CMSS1: variants seen among roughly 807,000 people sequenced by gnomAD.
CMSS1 encodes protein CMSS1.
Under a neutral mutation model 43.5 loss-of-function variants are expected in CMSS1, and 33 were observed. The ratio of observed to expected loss-of-function variants is 0.76; its 90% CI spans 0.57 to 1.01. CMSS1 has a LOEUF of 1.01. CMSS1 is among the 50% of genes least tolerant of loss of function. The pLI, the probability that CMSS1 is intolerant of heterozygous loss-of-function variation, is 0.00. For synonymous variants in CMSS1, 115 were observed against 117.2 expected, an observed-to-expected ratio of 0.98 and a Z score of 0.12; for missense variants, 313 against 326.4, an observed-to-expected ratio of 0.96 and a Z score of 0.32.
At chr3:99,909,504 G>C (rs926309293) in intron 1 of CMSS1, among the ~76,000 whole-genome samples, 2 of 152,108 alleles carry the variant, frequency 1.3e-5, no homozygotes, top group South Asian at 2.1e-4. Flanking sequence ...ATAATGAAAA[G>C]TCAAATTTTC....
intron 1 of CMSS1, among the ~76,000 whole-genome samples, chr3:99,875,127 T>C (rs913942219): frequency 1.4e-4 from 22 of 152,224 alleles, no homozygotes. Flanking sequence ...TCATCTCCTA[T>C]TCCAGTGTTC....
At chr3:99,983,389 AAT>A (rs397990626) in intron 1 of CMSS1, among the ~76,000 whole-genome samples, 10,118 of 39,368 alleles carry the variant, frequency 0.26, 807 homozygotes, top group South Asian at 0.4. Context: ...TAAATAAATA[AAT>A]ATATATATAT....
chr3:100,114,992 C>T, intron 1 of CMSS1: 2 of 1,521,070 alleles, frequency 1.3e-6, no homozygotes, highest in Non-Finnish European at 1.8e-6. Flanking sequence ...CATCGGAATG[C>T]ATGGTGGTAT....
intron 1 of CMSS1, among the ~76,000 whole-genome samples, chr3:100,031,126 T>C (rs1332199683): frequency 6.6e-6 from 1 of 152,184 alleles, no homozygotes; most frequent in Non-Finnish European, 1.5e-5. Flanking sequence ...GAACATATTT[T>C]CCTAGACATC....
At chr3:100,115,529 A>C (rs530678867) in intron 1 of CMSS1, among the ~76,000 whole-genome samples, 1 of 147,784 alleles carries the variant, frequency 6.8e-6, no homozygotes, top group African/African-American at 2.5e-5. Flanking sequence ...ACATTTTACC[A>C]CTGGTTGTAT....
chr3:100,017,151 A>G (rs911604880), intron 1 of CMSS1, among the ~76,000 whole-genome samples: 4 of 152,248 alleles, frequency 2.6e-5, no homozygotes, highest in African/African-American at 9.6e-5. Context: ...ATCAAAAATC[A>G]GAATTTATAA....
At position 99,850,285 on chromosome 3, in the gene CMSS1, C is replaced by T. The variant is rs117524727; in HGVS notation, c.64+32242C>T. ...TAGCTCTTTGATCCTTACTTTTAAA[C>T]TCTCCAGTTCTTGAGACAACTGCTT... On this transcript the variant is annotated intron_variant, in intron 1 of 9. Coordinates refer to ENST00000421999, the MANE Select transcript of CMSS1 (RefSeq NM_032359.4). 43 of 1,613,860 alleles carry T rather than the reference C, an allele frequency of 2.7e-5. No individual in the cohort carries two copies. In the East Asian group the frequency reaches 8.9e-4, roughly 33 times the overall value.
intron 3 of CMSS1, among the ~76,000 whole-genome samples, chr3:100,161,180 A>C (rs1335656862): frequency 1.3e-5 from 2 of 152,176 alleles, no homozygotes; most frequent in African/African-American, 4.8e-5. Flanking sequence ...AGGAAATACG[A>C]TTGGGATTAG....
At chr3:100,145,443 G>A (rs932467387) in intron 1 of CMSS1, among the ~76,000 whole-genome samples, 3 of 149,058 alleles carry the variant, frequency 2.0e-5, no homozygotes, top group Non-Finnish European at 4.4e-5. Context: ...GAGAGATTCC[G>A]TCTCAAAAAA....
chr3:99,999,034 C>T (rs1271373780), intron 1 of CMSS1, among the ~76,000 whole-genome samples: 4 of 152,210 alleles, frequency 2.6e-5, no homozygotes, highest in Admixed American at 1.3e-4. Flanking sequence ...TCTGTGAAGC[C>T]TTCCGTGCCT....
intron 1 of CMSS1, chr3:99,849,791 A>G: frequency 6.2e-7 from 1 of 1,613,294 alleles, no homozygotes; most frequent in Admixed American, 1.7e-5. Context: ...ACTTCTTGAG[A>G]GAGCTCCTTA....
chr3:99,836,347 G>T (rs1184126521), intron 1 of CMSS1, among the ~76,000 whole-genome samples: 1 of 152,132 alleles, frequency 6.6e-6, no homozygotes, highest in Non-Finnish European at 1.5e-5. Context: ...CATCAATAGA[G>T]GCGAGACAAA....
intron 1 of CMSS1, among the ~76,000 whole-genome samples, chr3:99,972,438 G>A (rs553313439): frequency 6.0e-4 from 92 of 152,244 alleles, no homozygotes; most frequent in African/African-American, 2.0e-3. Context: ...AAACGTCCCC[G>A]TCCCCATTTG....
intron 1 of CMSS1, among the ~76,000 whole-genome samples, chr3:99,985,136 T>C (rs777273920): frequency 1.1e-4 from 17 of 152,148 alleles, no homozygotes; most frequent in Non-Finnish European, 2.5e-4. Flanking sequence ...CAAAAGTTAA[T>C]TGGAGTAAAG....
At chr3:100,162,826 T>C (rs2067035621) in intron 4 of CMSS1, among the ~76,000 whole-genome samples, 1 of 151,888 alleles carries the variant, frequency 6.6e-6, no homozygotes, top group Admixed American at 6.6e-5. Flanking sequence ...AATACAAAAA[T>C]TAGCTGGGTG....
chr3:99,835,666 A>G (rs1382434901), intron 1 of CMSS1, among the ~76,000 whole-genome samples: 1 of 152,240 alleles, frequency 6.6e-6, no homozygotes, highest in African/African-American at 2.4e-5. Context: ...CAATGACTGC[A>G]TTTTAAGAAA....
chr3:100,142,191 C>T (rs1052908332), intron 1 of CMSS1, among the ~76,000 whole-genome samples: 1 of 152,152 alleles, frequency 6.6e-6, no homozygotes, highest in Non-Finnish European at 1.5e-5. Context: ...AAATCTTTCT[C>T]ATAGTTTTTG....
At chr3:100,108,788 G>A (rs1483855728) in intron 1 of CMSS1, among the ~76,000 whole-genome samples, 2 of 152,118 alleles carry the variant, frequency 1.3e-5, no homozygotes, top group African/African-American at 4.8e-5. Context: ...TTCTTTTGTG[G>A]TACACCTCAT....
At chr3:100,152,597 G>A (rs2107519854) in intron 2 of CMSS1, among the ~76,000 whole-genome samples, 1 of 152,226 alleles carries the variant, frequency 6.6e-6, no homozygotes, top group South Asian at 2.1e-4. Context: ...TTCTTCTGAG[G>A]TCTTCACGAA....
Sources: allele counts gnomAD v4.1 joint callset (sites outside exome capture counted in the v4.1 genomes callset), GRCh38; gene constraint gnomAD v4.1.1; transcripts MANE v1.5; gene names NCBI Gene and HGNC (gene_info 2026-07-23, HGNC 2026-07-21).